The following EDEM2 variants were observed in gnomAD, a reference collection of about 807,000 sequenced individuals.
EDEM2 encodes ER degradation-enhancing alpha-mannosidase-like protein 2.
A neutral mutation model predicts 64.8 loss-of-function variants in EDEM2; 39 were observed. The observed-to-expected ratio is 0.60, with a 90% CI of 0.47 to 0.79. EDEM2 has a LOEUF of 0.79. Among genes scored for constraint, EDEM2 ranks in the 30% least tolerant of loss-of-function variants. The pLI is 0.00. For missense variants in EDEM2, 609 were observed against 731.3 expected, an observed-to-expected ratio of 0.83 and a Z score of 1.93; for synonymous variants, 296 against 291.5, an observed-to-expected ratio of 1.02 and a Z score of -0.16.
intron 1 of EDEM2, 67 bp downstream of exon 1, chr20:35,147,085 C>G: frequency 6.4e-7 from 1 of 1,558,122 alleles, no homozygotes. Context: ...CTGGGATGGA[C>G]GGAAAGGGAA....
At chr20:35,120,127 G>C (rs528739626) in intron 9 of EDEM2, among the ~76,000 whole-genome samples, 27 of 152,078 alleles carry the variant, frequency 1.8e-4, no homozygotes, top group Non-Finnish European at 3.8e-4. Context: ...GCCATGGTGC[G>C]ATCTCCGCTC....
chr20:35,147,310 G>T lies in EDEM2; in HGVS notation c.-52C>A. The T allele has an allele frequency of 7.0e-7, 1 of 1,433,794 alleles. No homozygotes were observed. 88.8% of individuals were successfully genotyped at this position (1,433,794 alleles called of 1,614,324 possible). A position where few individuals can be genotyped will look rare whatever the true frequency, so the allele number is the denominator to read the frequency against. On this transcript the variant is annotated 5_prime_UTR_variant, in exon 1 of 11. In the 5' UTR this introduces an upstream ATG that the reference lacks. Coordinates refer to ENST00000374492, the MANE Select transcript of EDEM2 (RefSeq NM_018217.3). ...GCAGCAGCAGCAGCCACTGCAACCA[G>T]TTCATCCTGGGAGCTGCTGCGGGTT...
intron 4 of EDEM2, among the ~76,000 whole-genome samples, chr20:35,138,508 G>A (rs1340318716): frequency 6.6e-6 from 1 of 152,086 alleles, no homozygotes; most frequent in African/African-American, 2.4e-5. Flanking sequence ...TACCTGGGGG[G>A]AAGGGGTAAT....
At position 35,115,462 on chromosome 20, in the gene EDEM2, G is replaced by C; in HGVS notation, c.1708C>G (p.Leu570Val). ...GAGGAGTCTAGGAAAACCTGTCCCA[G>C]TAATGCCAACTTGGAGGTGAAGGGC... ...SQPFTSKLAL[L>V]GQVFLDSS is the part of the protein sequence containing the mutation. The change falls in exon 11 of 11, where the codon CTG (leucine) becomes GTG (valine). Residue 570 changes from leucine to valine, a missense_variant. By Grantham distance (32) the Leu-to-Val change is conservative (BLOSUM62 1). Transcript: ENST00000374492. The C allele has an allele frequency of 6.2e-7, 1 of 1,613,072 alleles. No homozygotes were observed. The highest frequency in any genetic ancestry group is 8.5e-7 in the Non-Finnish European group (1 of 1,179,858).
At chr20:35,125,896 G>A (rs1328521768) in intron 8 of EDEM2, among the ~76,000 whole-genome samples, 1 of 152,254 alleles carries the variant, frequency 6.6e-6, no homozygotes, top group Admixed American at 6.5e-5. Flanking sequence ...ATGGCACAGC[G>A]GCACAAGCTG....
At chr20:35,146,111 TA>T (rs1219934891) in intron 2 of EDEM2, among the ~76,000 whole-genome samples, 2 of 151,886 alleles carry the variant, frequency 1.3e-5, no homozygotes, top group African/African-American at 4.8e-5. Context: ...TATAATGGTA[TA>T]AACCAAGAAT....
chr20:35,127,836 G>C (rs1021189430), intron 7 of EDEM2, among the ~76,000 whole-genome samples: 3 of 152,128 alleles, frequency 2.0e-5, no homozygotes, highest in African/African-American at 7.2e-5. Flanking sequence ...CTGAACTGTA[G>C]AGATGGTGGT....
At chr20:35,127,601 C>A (rs1362896466) in intron 7 of EDEM2, among the ~76,000 whole-genome samples, 1 of 152,156 alleles carries the variant, frequency 6.6e-6, no homozygotes, top group East Asian at 1.9e-4. Context: ...TAATCTCAAA[C>A]AGGAGTTGTA....
chr20:35,140,169 C>T (rs542107910), intron 4 of EDEM2, among the ~76,000 whole-genome samples: 9 of 152,032 alleles, frequency 5.9e-5, no homozygotes, highest in East Asian at 1.9e-4. Flanking sequence ...GTCTGAGACA[C>T]GAAAAGAAAA....
At chr20:35,124,496 G>C (rs958331335) in intron 8 of EDEM2, among the ~76,000 whole-genome samples, 1 of 152,058 alleles carries the variant, frequency 6.6e-6, no homozygotes, top group African/African-American at 2.4e-5. Flanking sequence ...GACCTCCTGG[G>C]CTCAAGAGAT....
chr20:35,118,733 A>C lies in EDEM2; in HGVS notation c.1115-14T>G. The C allele has an allele frequency of 6.2e-7, 1 of 1,611,586 alleles. No individual in the cohort carries two copies. The highest frequency in any genetic ancestry group is 1.1e-5 in the South Asian group (1 of 90,984). On this transcript the variant is annotated splice_polypyrimidine_tract_variant and intron_variant, in intron 9 of 10. Transcript: ENST00000374492. ...TTTCAATAAGTTCTGCAAAGTCCAAAGCAGACCCTCCTCACTCAGTGGCTG... is the reference window on the plus strand; with the variant it reads ...TTTCAATAAGTTCTGCAAAGTCCAACGCAGACCCTCCTCACTCAGTGGCTG...
chr20:35,132,695 T>C (rs1459557610), intron 6 of EDEM2, among the ~76,000 whole-genome samples: 1 of 152,112 alleles, frequency 6.6e-6, no homozygotes, highest in African/African-American at 2.4e-5. Flanking sequence ...TTTTATTGTA[T>C]TTATTTTATT....
intron 3 of EDEM2, among the ~76,000 whole-genome samples, chr20:35,144,662 G>T (rs1406153565): frequency 1.3e-5 from 2 of 152,098 alleles, no homozygotes; most frequent in Non-Finnish European, 2.9e-5. Flanking sequence ...ATTGAACATG[G>T]CCACTAGAAT....
chr20:35,144,657 A>G (rs1003558823), intron 3 of EDEM2, among the ~76,000 whole-genome samples: 4 of 152,166 alleles, frequency 2.6e-5, no homozygotes, highest in African/African-American at 9.7e-5. Context: ...TTATCATTGA[A>G]CATGGCCACT....
intron 9 of EDEM2, among the ~76,000 whole-genome samples, chr20:35,120,549 C>T (rs1242726082): frequency 1.3e-5 from 2 of 151,438 alleles, no homozygotes; most frequent in Admixed American, 1.3e-4. Flanking sequence ...AAAGACAGTG[C>T]CCTCATGGGA....
At chr20:35,136,008 G>A (rs138770832) in intron 5 of EDEM2, among the ~76,000 whole-genome samples, 305 of 152,234 alleles carry the variant, frequency 2.0e-3, no homozygotes, top group African/African-American at 6.7e-3. Flanking sequence ...TTTCCTCTCT[G>A]GGCCTAAAGG....
At chr20:35,125,044 T>C (rs2146093253) in intron 8 of EDEM2, among the ~76,000 whole-genome samples, 1 of 152,342 alleles carries the variant, frequency 6.6e-6, no homozygotes, top group Non-Finnish European at 1.5e-5. Flanking sequence ...ACATCTTCAT[T>C]GGATGTCTCA....
At chr20:35,145,972 A>T (rs979547465) in intron 2 of EDEM2, among the ~76,000 whole-genome samples, 4 of 143,908 alleles carry the variant, frequency 2.8e-5, no homozygotes, top group African/African-American at 1.1e-4. Flanking sequence ...ATTGCACTCC[A>T]GCCTGGGTAA....
chr20:35,137,017 C>A (rs114659020), intron 5 of EDEM2, among the ~76,000 whole-genome samples: 2,956 of 152,230 alleles, frequency 0.019, 74 homozygotes, highest in African/African-American at 0.057. Flanking sequence ...AAGTGTTGGA[C>A]GTTCTCTAAG....
Sources: allele counts gnomAD v4.1 joint callset (sites outside exome capture counted in the v4.1 genomes callset), GRCh38; gene constraint gnomAD v4.1.1; transcripts MANE v1.5; gene names NCBI Gene and HGNC (gene_info 2026-07-23, HGNC 2026-07-21).